The following CNBD1 variants were observed in gnomAD, a reference collection of about 807,000 sequenced individuals.
The protein encoded by CNBD1 is cyclic nucleotide binding domain containing 1.
CNBD1 carries 71 observed loss-of-function variants against 54.4 expected under a neutral mutation model. That is an observed-to-expected ratio of 1.30 (90% CI 1.08 to 1.59). The LOEUF (loss-of-function observed/expected upper bound fraction) is 1.59, where lower values mean the gene tolerates loss of function less well. Among genes scored for constraint, CNBD1 ranks in the 40% most tolerant of loss-of-function variants. The pLI, the probability that CNBD1 is intolerant of heterozygous loss-of-function variation, is 0.00. For synonymous variants in CNBD1, 182 were observed against 170.7 expected, an observed-to-expected ratio of 1.07 and a Z score of -0.51; for missense variants, 659 against 518.0, an observed-to-expected ratio of 1.27 and a Z score of -2.64.
chr8:86,928,158 T>A (rs1430084125), intron 3 of CNBD1, among the ~76,000 whole-genome samples: 1 of 152,080 alleles, frequency 6.6e-6, no homozygotes, highest in Non-Finnish European at 1.5e-5. Context: ...CATTTAGGGT[T>A]TTAAGGTTTT....
chr8:87,351,714 T>C lies in CNBD1; in HGVS notation c.1072T>C (p.Phe358Leu). Residue 358 changes from phenylalanine (F) to leucine (L), a missense_variant, in exon 9 of 11, where the codon TTT becomes CTT. Physicochemically the swap from Phe to Leu is conservative, Grantham distance 22. Coordinates refer to ENST00000518476, the MANE Select transcript of CNBD1 (RefSeq NM_173538.3). ...AGTGGAAAGTGGAAATATAATTTCTTTTGTGGGTTATATTAACTCTGGATG... is the reference window on the plus strand; with the variant it reads ...AGTGGAAAGTGGAAATATAATTTCTCTTGTGGGTTATATTAACTCTGGATG... ...VIVESGNIIS[F>L]VGYINSGCCN... is the part of the protein sequence containing the mutation. 1 of 1,531,834 alleles carries C rather than the reference T, an allele frequency of 6.5e-7. No individual in the cohort carries two copies. The highest frequency in any genetic ancestry group is 8.7e-7 in the Non-Finnish European group (1 of 1,144,166). 94.9% of individuals were successfully genotyped at this position (1,531,834 alleles called of 1,614,324 possible). A position where few individuals can be genotyped will look rare whatever the true frequency, so the allele number is the denominator to read the frequency against.
In CNBD1 at chr8:86,905,200, G is replaced by C; in HGVS notation, c.272+6G>C. 6.6e-7 allele frequency: 1 copy of C among 1,521,234 alleles called. No individual in the cohort carries two copies. The highest frequency in any genetic ancestry group is 9.1e-7 in the Non-Finnish European group (1 of 1,097,434). 94.2% of individuals were successfully genotyped at this position (1,521,234 alleles called of 1,614,324 possible). ...TTCAAACAGGAGGAACAAAGGTAATGATACCTTCTTTTGAAAGCAAGGTTG... is the reference window on the plus strand; with the variant it reads ...TTCAAACAGGAGGAACAAAGGTAATCATACCTTCTTTTGAAAGCAAGGTTG... On this transcript the variant is annotated splice_donor_region_variant and intron_variant, in intron 3 of 10. Coordinates refer to ENST00000518476, the MANE Select transcript of CNBD1 (RefSeq NM_173538.3).
chr8:87,284,590 A>C (rs1005036867), intron 6 of CNBD1, 88 bp from the exon 7 acceptor site: 92 of 1,178,910 alleles, frequency 7.8e-5, no homozygotes, highest in Non-Finnish European at 1.0e-4. Flanking sequence ...TCATAGAATG[A>C]AAGCTTGACC....
intron 4 of CNBD1, among the ~76,000 whole-genome samples, chr8:87,122,324 A>T (rs543301587): frequency 6.6e-6 from 1 of 151,710 alleles, no homozygotes; most frequent in Non-Finnish European, 1.5e-5. Context: ...ACATTTTTTC[A>T]TGCATCTGGT....
At chr8:87,208,375 T>A (rs1456569176) in intron 5 of CNBD1, among the ~76,000 whole-genome samples, 1 of 151,910 alleles carries the variant, frequency 6.6e-6, no homozygotes, top group East Asian at 1.9e-4. Flanking sequence ...CTACAAAAAA[T>A]GATTACTATA....
At chr8:86,880,471 G>T (rs1042115302) in intron 1 of CNBD1, among the ~76,000 whole-genome samples, 1 of 152,172 alleles carries the variant, frequency 6.6e-6, no homozygotes, top group Admixed American at 6.5e-5. Context: ...TATATGGGAA[G>T]ATGTGCATAG....
chr8:86,953,499 C>T (rs1177913970), intron 4 of CNBD1, among the ~76,000 whole-genome samples: 4 of 152,152 alleles, frequency 2.6e-5, no homozygotes, highest in East Asian at 3.8e-4. Context: ...CTAGAAATCC[C>T]GTACAATTTT....
At chr8:86,905,589 A>G (rs1809005532) in intron 3 of CNBD1, among the ~76,000 whole-genome samples, 1 of 152,070 alleles carries the variant, frequency 6.6e-6, no homozygotes, top group African/African-American at 2.4e-5. Context: ...TCACAAAGTC[A>G]TGGGGCACTG....
chr8:87,197,943 G>A lies in CNBD1; in HGVS notation c.432-8050G>A, dbSNP rs1307689305. Among the ~76,000 whole-genome samples, 6 of 152,222 alleles carry A rather than the reference G, an allele frequency of 3.9e-5. No individual in the cohort carries two copies. The South Asian group carries it at 6.2e-4, about 16-fold the overall frequency. On this transcript the variant is annotated intron_variant, in intron 4 of 10. Coordinates refer to ENST00000518476, the MANE Select transcript of CNBD1 (RefSeq NM_173538.3). ...AAAATTGTAGGTATTGCTGTAGATC[G>A]GAGAGATTCAAGAGTCAATGTTGAG...
At chr8:86,991,932 A>G (rs1205496489) in intron 4 of CNBD1, among the ~76,000 whole-genome samples, 1 of 152,166 alleles carries the variant, frequency 6.6e-6, no homozygotes, top group Non-Finnish European at 1.5e-5. Context: ...ATGACTGAGC[A>G]TGTAGTTGAT....
intron 5 of CNBD1, among the ~76,000 whole-genome samples, chr8:87,218,571 A>G (rs1263654045): frequency 6.6e-6 from 1 of 152,056 alleles, no homozygotes; most frequent in African/African-American, 2.4e-5. Flanking sequence ...TGTTTATACT[A>G]AAGTGTAAAC....
chr8:87,297,948 C>T (rs13248587), intron 8 of CNBD1, among the ~76,000 whole-genome samples: 55,289 of 150,792 alleles, frequency 0.37, 10,439 homozygotes, highest in Middle Eastern at 0.44. Flanking sequence ...ATATATTCTC[C>T]CTACATATTC....
intron 8 of CNBD1, among the ~76,000 whole-genome samples, chr8:87,288,687 T>C (rs1042015728): frequency 6.6e-6 from 1 of 152,232 alleles, no homozygotes; most frequent in South Asian, 2.1e-4. Flanking sequence ...TTTGTAAATA[T>C]CTTGAAAAAT....
chr8:86,964,478 A>G (rs1808018986), intron 4 of CNBD1, among the ~76,000 whole-genome samples: 2 of 152,242 alleles, frequency 1.3e-5, no homozygotes, highest in Admixed American at 6.5e-5. Context: ...TTGATGCAAA[A>G]GTAACATGAC....
rs1255434846 is a variant in CNBD1, at chr8:87,072,638, A to G, written c.431+132884A>G. Reference sequence around the variant, plus strand: ...TTAAGAATGTTGAATATTGGCTCCCAATCTCTTCTGGCTAGTAGGGTTTCT... The same window carrying G: ...TTAAGAATGTTGAATATTGGCTCCCGATCTCTTCTGGCTAGTAGGGTTTCT... On this transcript the variant is annotated intron_variant, in intron 4 of 10. Transcript: ENST00000518476. Among the ~76,000 whole-genome samples, 3 of 152,046 alleles carry G rather than the reference A, an allele frequency of 2.0e-5. 1 individual carries two copies. The highest frequency in any genetic ancestry group is 2.0e-4 in the Admixed American group (3 of 15,274).
intron 4 of CNBD1, among the ~76,000 whole-genome samples, chr8:87,032,873 G>A (rs904814760): frequency 3.3e-5 from 5 of 152,144 alleles, no homozygotes; most frequent in African/African-American, 1.2e-4. Context: ...TCACTGATTT[G>A]GAAGCACTTA....
chr8:86,985,608 T>C (rs1339126999), intron 4 of CNBD1, among the ~76,000 whole-genome samples: 1 of 152,234 alleles, frequency 6.6e-6, no homozygotes, highest in African/African-American at 2.4e-5. Context: ...GATGTGGGTG[T>C]GTACTACATT....
intron 4 of CNBD1, among the ~76,000 whole-genome samples, chr8:87,125,320 C>T (rs1811969562): frequency 6.6e-6 from 1 of 151,558 alleles, no homozygotes; most frequent in African/African-American, 2.4e-5. Flanking sequence ...CACAAATACC[C>T]AAAACAATCT....
rs189576894 is a variant in CNBD1 at position 86,963,741 on chromosome 8, C to G, written c.431+23987C>G. Among the ~76,000 whole-genome samples, 37 of 152,246 alleles carry G rather than the reference C, an allele frequency of 2.4e-4. 1 individual carries two copies. The South Asian group carries it at 4.6e-3, about 19-fold the overall frequency. ...GGAGAAGAGAACTGAAAGGCCTGCTCAAGTCCAGGAGGAGGTCCAACCTCC... is the reference window on the plus strand; with the variant it reads ...GGAGAAGAGAACTGAAAGGCCTGCTGAAGTCCAGGAGGAGGTCCAACCTCC... On this transcript the variant is annotated intron_variant, in intron 4 of 10. Transcript: ENST00000518476.
Sources: allele counts gnomAD v4.1 joint callset (sites outside exome capture counted in the v4.1 genomes callset), GRCh38; gene constraint gnomAD v4.1.1; transcripts MANE v1.5; gene names NCBI Gene and HGNC (gene_info 2026-07-23, HGNC 2026-07-21).